The following IRF2 variants were observed in gnomAD, a reference collection of about 807,000 sequenced individuals.
IRF2 encodes the protein interferon regulatory factor 2.
In IRF2, 15 loss-of-function variants were observed where a neutral mutation model predicts 40.6. The ratio of observed to expected loss-of-function variants is 0.37; its 90% CI spans 0.25 to 0.57. The LOEUF (loss-of-function observed/expected upper bound fraction) is 0.57, where lower values mean the gene tolerates loss of function less well. Among genes scored for constraint, IRF2 ranks in the 20% least tolerant of loss-of-function variants. IRF2 has a pLI of 0.77. For synonymous variants in IRF2, 151 were observed against 165.5 expected, an observed-to-expected ratio of 0.91 and a Z score of 0.67; for missense variants, 317 against 455.7, an observed-to-expected ratio of 0.70 and a Z score of 2.77.
intron 7 of IRF2, among the ~76,000 whole-genome samples, chr4:184,395,900 G>A (rs1007612591): frequency 1.3e-5 from 2 of 152,162 alleles, no homozygotes; most frequent in African/African-American, 2.4e-5. Flanking sequence ...GCTGTTCTCC[G>A]GAATCTTTTG....
At chr4:184,457,069 T>G (rs793805) in intron 1 of IRF2, among the ~76,000 whole-genome samples, 99,439 of 152,118 alleles carry the variant, frequency 0.65, 32,717 homozygotes, top group African/African-American at 0.7. Context: ...TGAGGTGGTT[T>G]GGTTAACACA....
intron 1 of IRF2, among the ~76,000 whole-genome samples, chr4:184,454,260 G>A (rs1738831948): frequency 6.6e-6 from 1 of 152,130 alleles, no homozygotes; most frequent in Non-Finnish European, 1.5e-5. Flanking sequence ...CTCCATAAAG[G>A]TTACCAGCTA....
chr4:184,418,364 T>C, intron 4 of IRF2, 151 bp from the exon 5 acceptor site: 1 of 919,792 alleles, frequency 1.1e-6, no homozygotes, highest in Admixed American at 2.0e-5. Context: ...TCACTGCCTC[T>C]GGTGAATCGA....
chr4:184,435,669 A>C (rs1185603746), intron 1 of IRF2, among the ~76,000 whole-genome samples: 1 of 152,168 alleles, frequency 6.6e-6, no homozygotes, highest in Non-Finnish European at 1.5e-5. Flanking sequence ...TCTGAAGAGG[A>C]GGCTGTGGGG....
chr4:184,473,837 G>T (rs1739622446), intron 1 of IRF2: 1 of 152,078 alleles, frequency 6.6e-6, no homozygotes, highest in Non-Finnish European at 1.5e-5. Context: ...GCGCCGCCGC[G>T]GGCACCGAGA....
At chr4:184,428,721 C>T in intron 2 of IRF2, 1 of 524,586 alleles carries the variant, frequency 1.9e-6, no homozygotes, top group Admixed American at 2.3e-5. Context: ...ATCACTTGAA[C>T]CCAAGAGGTC....
chr4:184,466,607 T>C (rs1044601280), intron 1 of IRF2, among the ~76,000 whole-genome samples: 1 of 152,208 alleles, frequency 6.6e-6, no homozygotes, highest in Admixed American at 6.5e-5. Flanking sequence ...GCTATTACCG[T>C]ATTTCCGTGG....
At chr4:184,444,928 T>C (rs940341984) in intron 1 of IRF2, among the ~76,000 whole-genome samples, 1 of 152,190 alleles carries the variant, frequency 6.6e-6, no homozygotes, top group Non-Finnish European at 1.5e-5. Flanking sequence ...GCACAGAGCA[T>C]AATGTGAAAA....
intron 1 of IRF2, among the ~76,000 whole-genome samples, chr4:184,444,080 C>G (rs1014438193): frequency 6.6e-6 from 1 of 152,196 alleles, no homozygotes; most frequent in Non-Finnish European, 1.5e-5. Context: ...AGCACAGCCC[C>G]CTAAGGGCAG....
At chr4:184,438,908 C>T (rs749163709) in intron 1 of IRF2, among the ~76,000 whole-genome samples, 5 of 152,138 alleles carry the variant, frequency 3.3e-5, no homozygotes, top group Non-Finnish European at 5.9e-5. Context: ...GCTCTGCCTG[C>T]GACATTCAAA....
intron 8 of IRF2, 111 bp from the exon 9 acceptor site, chr4:184,389,177 T>C (rs1186711394): frequency 9.3e-7 from 1 of 1,069,696 alleles, no homozygotes; most frequent in African/African-American, 1.6e-5. Flanking sequence ...CCCAGCACTT[T>C]GGGAGGCTGA....
At chr4:184,468,225 C>A (rs1042288831) in intron 1 of IRF2, among the ~76,000 whole-genome samples, 1 of 152,212 alleles carries the variant, frequency 6.6e-6, no homozygotes, top group Non-Finnish European at 1.5e-5. Context: ...CGGTGGCTCA[C>A]ACCTGTAATC....
intron 5 of IRF2, among the ~76,000 whole-genome samples, chr4:184,417,002 C>T (rs1268606756): frequency 6.6e-6 from 1 of 152,004 alleles, no homozygotes; most frequent in African/African-American, 2.4e-5. Flanking sequence ...GCCAAGATCG[C>T]GCCATTGCAC....
At chr4:184,398,481 TC>T (rs201524169) in intron 7 of IRF2, among the ~76,000 whole-genome samples, 1,729 of 151,704 alleles carry the variant, frequency 0.011, 34 homozygotes, top group African/African-American at 0.04. Flanking sequence ...ACATGGTGAA[TC>T]CCCGTCTCTA....
chr4:184,402,784 G>T (rs950680937), intron 6 of IRF2, among the ~76,000 whole-genome samples: 1 of 152,306 alleles, frequency 6.6e-6, no homozygotes, highest in Non-Finnish European at 1.5e-5. Flanking sequence ...CTGTGGGTGC[G>T]AGGGCTGGGG....
chr4:184,435,429 G>T (rs552879131), intron 1 of IRF2, among the ~76,000 whole-genome samples: 42 of 152,214 alleles, frequency 2.8e-4, no homozygotes, highest in Non-Finnish European at 5.3e-4. Flanking sequence ...TTAGCTGAGA[G>T]GGGGGTGGTG....
chr4:184,440,759 C>T (rs1476490858), intron 1 of IRF2, among the ~76,000 whole-genome samples: 1 of 152,234 alleles, frequency 6.6e-6, no homozygotes, highest in African/African-American at 2.4e-5. Flanking sequence ...TGAATGTCTA[C>T]CTCGCCTCCC....
At chr4:184,392,618 T>A (rs760672557) in intron 7 of IRF2, among the ~76,000 whole-genome samples, 12 of 152,208 alleles carry the variant, frequency 7.9e-5, no homozygotes, top group Non-Finnish European at 1.5e-4. Context: ...TGGGATGAGA[T>A]GGCTCCAGCC....
At position 184,434,599 on chromosome 4, in the gene IRF2, T is replaced by C. The variant is rs183685060; in HGVS notation, c.-6-5529A>G. ...ATCATCTACCTTTACACCTTTGAGA[T>C]TTGAGGCTGGGACTGGCTTCAAAAC... On this transcript the variant is annotated intron_variant, in intron 1 of 8. Coordinates refer to ENST00000393593, the MANE Select transcript of IRF2 (RefSeq NM_002199.4). 5.9e-5 allele frequency among the ~76,000 whole-genome samples: 9 copies of C among 152,330 alleles called. No individual in the cohort carries two copies. The East Asian group carries it at 9.6e-4, about 16-fold the overall frequency.
Sources: gnomAD v4.1 joint callset for allele counts (sites outside exome capture counted in the v4.1 genomes callset) on GRCh38, gnomAD v4.1.1 for gene constraint, MANE v1.5 for transcripts, NCBI Gene and HGNC (gene_info 2026-07-23, HGNC 2026-07-21) for gene names.